Variants in A2ML1 observed in about 807,000 individuals in gnomAD.
The protein encoded by A2ML1 is alpha-2-macroglobulin like 1.
A2ML1 carries 161 observed loss-of-function variants against 181.9 expected under a neutral mutation model. The observed-to-expected ratio is 0.89, with a 90% CI of 0.78 to 1.01. The LOEUF (loss-of-function observed/expected upper bound fraction) is 1.01. Among genes scored for constraint, A2ML1 ranks in the 50% least tolerant of loss-of-function variants. The pLI, the probability that A2ML1 is intolerant of heterozygous loss-of-function variation, is 0.00. For missense variants in A2ML1, 1,670 were observed against 1,768.1 expected (o/e 0.94, Z 1.00); for synonymous variants, 663 against 666.8 (o/e 0.99, Z 0.09).
intron 7 of A2ML1, among the ~76,000 whole-genome samples, chr12:8,885,846 A>C (rs187260636): frequency 6.6e-6 from 1 of 152,190 alleles, no homozygotes; most frequent in Non-Finnish European, 1.5e-5. Flanking sequence ...GTTTTCCTAC[A>C]TGGATATTTA....
At chr12:8,825,518 T>C (rs1349677799) in intron 3 of A2ML1, among the ~76,000 whole-genome samples, 1 of 152,204 alleles carries the variant, frequency 6.6e-6, no homozygotes, top group Non-Finnish European at 1.5e-5. Flanking sequence ...GATGGGTAGT[T>C]TGCAAATATT....
At chr12:8,851,683 A>C in intron 18 of A2ML1, 101 bp from the exon 19 acceptor site, 2 of 1,081,914 alleles carry the variant, frequency 1.8e-6, no homozygotes. Flanking sequence ...TGGGATTACA[A>C]GTGTAAGCCA....
rs779313828 is a variant in A2ML1 at position 8,867,886 on chromosome 12, C to T, written c.3762C>T (p.Thr1254=). The change falls in exon 30 of 36, where the codon ACC becomes ACT. Residue 1254 remains threonine, a synonymous_variant. Coordinates refer to ENST00000299698, the MANE Select transcript of A2ML1 (RefSeq NM_144670.6). ...AAGCTCTTGCCAAATATGCCACTAC[C>T]GCCTACATGCCATCTGAGGAGATCA... ...ALQALAKYAT[T]AYMPSEEINL... 1.9e-5 allele frequency: 31 copies of T among 1,614,088 alleles called. No homozygotes were observed. The highest frequency in any genetic ancestry group is 4.0e-5 in the African/African-American group (3 of 74,938).
chr12:8,862,965 CAGAGGT>C (rs1159335934), intron 28 of A2ML1, among the ~76,000 whole-genome samples: 1 of 152,178 alleles, frequency 6.6e-6, no homozygotes, highest in African/African-American at 2.4e-5. Context: ...TTGGCTGTCA[CAGAGGT>C]TTCTTTTGGT....
downstream of A2ML1, among the ~76,000 whole-genome samples, chr12:8,881,490 T>C (rs1024452139): frequency 2.0e-5 from 3 of 152,208 alleles, no homozygotes; most frequent in Non-Finnish European, 2.9e-5. Context: ...TAAGTTATTC[T>C]CCTTCTCCTG....
Position 8,858,069 on chromosome 12 carries a change from C to T in A2ML1, c.3231C>T (p.Ala1077=). ...AGNQLPSGCY[A]NVGNLLHTAM... ...ACCAGCTCCCCAGTGGCTGCTATGC[C>T]AACGTGGGAAATCTCCTTCACACAG... Residue 1077 remains alanine (A), a synonymous_variant, in exon 26 of 36, where the codon GCC becomes GCT. Transcript: ENST00000299698. 6.2e-7 allele frequency: 1 copy of T among 1,614,158 alleles called. No homozygotes were observed. The highest frequency in any genetic ancestry group is 2.2e-5 in the East Asian group (1 of 44,892).
chr12:8,839,072 T>G (rs1943381040), intron 9 of A2ML1, 41 bp from the exon 10 acceptor site: 1 of 1,338,836 alleles, frequency 7.5e-7, no homozygotes, highest in African/African-American at 1.5e-5. Flanking sequence ...GATGAGAATA[T>G]CAGGTGCCTA....
chr12:8,869,121 CCT>C lies in A2ML1; in HGVS notation c.4153-9_4153-8del. 6.2e-7 allele frequency: 1 copy of C among 1,612,382 alleles called. No individual in the cohort carries two copies. The highest frequency in any genetic ancestry group is 8.5e-7 in the Non-Finnish European group (1 of 1,179,398). On this transcript the variant is annotated splice_polypyrimidine_tract_variant and intron_variant, in intron 32 of 35. Transcript: ENST00000299698. ...TGGCTCTTAGTATCTTTTTTTTCTC[CCT>C]CTCTTATTCAGCTTCTCCAGCAACC...
rs754527385 is a variant in A2ML1, at chr12:8,868,311, G to A, written c.4015G>A (p.Glu1339Lys). The change falls in exon 31 of 36, where the codon GAG becomes AAG. Residue 1339 changes from glutamate (E) to lysine (K), a missense_variant. Glu to Lys is a moderately conservative substitution (Grantham distance 56). Coordinates refer to ENST00000299698, the MANE Select transcript of A2ML1 (RefSeq NM_144670.6). ...LSVEIGKARC[E>K]QPTSPRSLTL... ...TGTGGAAATAGGAAAAGCTAGATGTGAGCAACCGACTTCACCTCGATCCTT... is the reference window on the plus strand; with the variant it reads ...TGTGGAAATAGGAAAAGCTAGATGTAAGCAACCGACTTCACCTCGATCCTT... The A allele has an allele frequency of 6.2e-7, 1 of 1,613,806 alleles. No homozygotes were observed. The highest frequency in any genetic ancestry group is 8.5e-7 in the Non-Finnish European group (1 of 1,179,950).
chr12:8,832,052 G>A (rs1943134286), intron 4 of A2ML1, among the ~76,000 whole-genome samples: 2 of 152,248 alleles, frequency 1.3e-5, no homozygotes, highest in South Asian at 4.1e-4. Context: ...GCCTGGCCAG[G>A]AAATCGAGTT....
chr12:8,875,151 G>A, intron 35 of A2ML1, 139 bp downstream of exon 35: 1 of 851,900 alleles, frequency 1.2e-6, no homozygotes, highest in Non-Finnish European at 1.8e-6. Context: ...CAGTGGCGGA[G>A]GTTGAGTGGC....
Position 8,837,640 on chromosome 12 carries a change from G to T in A2ML1, c.855+74G>T, listed in dbSNP as rs543549362. 2.7e-6 allele frequency: 4 copies of T among 1,478,314 alleles called. No homozygotes were observed. In the South Asian group the frequency reaches 5.0e-5, roughly 19 times the overall value. The allele number at this position is 1,478,314 out of a possible 1,614,324, so 91.6% of individuals were successfully genotyped here. On this transcript the variant is annotated intron_variant, in intron 8 of 35. Coordinates refer to ENST00000299698, the MANE Select transcript of A2ML1 (RefSeq NM_144670.6). Reference sequence around the variant, plus strand: ...CTCACGCCTGTCATCCCAGCACTTTGGGAGGCCGAGATGGGCGGATCACGA... The same window carrying T: ...CTCACGCCTGTCATCCCAGCACTTTTGGAGGCCGAGATGGGCGGATCACGA...
rs1060500995 is a variant in A2ML1 at position 8,843,356 on chromosome 12, T to C, written c.1471T>C (p.Tyr491His). The change falls in exon 12 of 36, where the codon TAC (tyrosine) becomes CAC (histidine). Residue 491 changes from tyrosine to histidine, a missense_variant. Transcript: ENST00000299698. ...ASPDQEISFS[Y>H]YLIGKGSLVM... ...CCCTGACCAAGAGATCAGCTTCTCC[T>C]ACTATGTGAGACCGGGAAACGGGGA... The C allele has an allele frequency of 2.5e-6, 4 of 1,613,284 alleles. No individual in the cohort carries two copies. The highest frequency in any genetic ancestry group is 3.4e-6 in the Non-Finnish European group (4 of 1,179,312).
downstream of A2ML1, among the ~76,000 whole-genome samples, chr12:8,877,494 AAAAC>A (rs1221405456): frequency 6.6e-6 from 1 of 152,218 alleles, no homozygotes; most frequent in Non-Finnish European, 1.5e-5. Flanking sequence ...CAACAAGAAA[AAAAC>A]AAATAATCCC....
At chr12:8,863,608 GGC>G in intron 28 of A2ML1, among the ~76,000 whole-genome samples, 184 bp from the exon 29 acceptor site, 1 of 152,240 alleles carries the variant, frequency 6.6e-6, no homozygotes, top group Non-Finnish European at 1.5e-5. Flanking sequence ...TTTACACACA[GGC>G]ACGCACATGC....
chr12:8,871,481 T>C lies in A2ML1; in HGVS notation c.4221+2278T>C, dbSNP rs114510197. ...TTATGATGGTTTTTGTTTGTTTGTT[T>C]AGTATTTTTTTGGTAGAGACAGCGT... On this transcript the variant is annotated intron_variant, in intron 33 of 35. Coordinates refer to ENST00000299698, the MANE Select transcript of A2ML1 (RefSeq NM_144670.6). Among the ~76,000 whole-genome samples, 301 of 152,210 alleles carry C rather than the reference T, an allele frequency of 2.0e-3. 2 individuals are homozygous for C. The highest frequency in any genetic ancestry group is 3.3e-3 in the Non-Finnish European group (224 of 68,018).
chr12:8,832,931 C>T (rs1251611564), intron 4 of A2ML1, among the ~76,000 whole-genome samples: 1 of 151,214 alleles, frequency 6.6e-6, no homozygotes, highest in Non-Finnish European at 1.5e-5. Context: ...TTGCTATACT[C>T]AGTTATTCAG....
In A2ML1 at chr12:8,849,751, C is replaced by G; in HGVS notation, c.2111C>G (p.Ala704Gly). 1 of 1,614,126 alleles carries G rather than the reference C, an allele frequency of 6.2e-7. No individual in the cohort carries two copies. The highest frequency in any genetic ancestry group is 1.1e-5 in the South Asian group (1 of 91,082). The change falls in exon 17 of 36, where the codon GCT (alanine) becomes GGT (glycine). Residue 704 changes from alanine (A) to glycine (G), a missense_variant. Physicochemically the swap from Ala to Gly is moderately conservative, Grantham distance 60 (BLOSUM62 0). Coordinates refer to ENST00000299698, the MANE Select transcript of A2ML1 (RefSeq NM_144670.6). ...CSHRSPEYSTAMGAGGGHPEA... is the reference protein window; with the variant it reads ...CSHRSPEYSTGMGAGGGHPEA... ...CACAGATCTCCAGAATACAGCACTGCTATGGGTGGTAAGCCACCTCTGTGG... is the reference window on the plus strand; with the variant it reads ...CACAGATCTCCAGAATACAGCACTGGTATGGGTGGTAAGCCACCTCTGTGG...
chr12:8,863,433 T>C (rs1223233897), intron 28 of A2ML1, among the ~76,000 whole-genome samples: 2 of 152,136 alleles, frequency 1.3e-5, no homozygotes, highest in South Asian at 2.1e-4. Flanking sequence ...AAATAAATGC[T>C]GAAAAATTCA....
Sources: allele counts gnomAD v4.1 joint callset (sites outside exome capture counted in the v4.1 genomes callset), GRCh38; gene constraint gnomAD v4.1.1; transcripts MANE v1.5; gene names NCBI Gene and HGNC (gene_info 2026-07-23, HGNC 2026-07-21).